LGR4: variants seen among roughly 807,000 people sequenced by gnomAD.
The protein encoded by LGR4 is leucine rich repeat containing G protein-coupled receptor 4.
Under a neutral mutation model 84.8 loss-of-function variants are expected in LGR4, and 44 were observed. That is an observed-to-expected ratio of 0.52 (90% CI 0.41 to 0.67). LGR4 has a LOEUF of 0.67. LGR4 is among the 30% of genes least tolerant of loss of function. The pLI, the probability that LGR4 is intolerant of heterozygous loss-of-function variation, is 0.00. For missense variants in LGR4, 1,032 were observed against 1,131.4 expected (o/e 0.91, Z 1.26); for synonymous variants, 429 against 434.3 (o/e 0.99, Z 0.15).
At chr11:27,412,381 G>A (rs745675624) in intron 2 of LGR4, among the ~76,000 whole-genome samples, 53 of 152,194 alleles carry the variant, frequency 3.5e-4, no homozygotes, top group Non-Finnish European at 5.3e-4. Context: ...TGTTGAAATT[G>A]TTGCTCATGG....
intron 2 of LGR4, among the ~76,000 whole-genome samples, chr11:27,411,237 G>A (rs948410913): frequency 2.6e-5 from 4 of 152,176 alleles, no homozygotes; most frequent in Middle Eastern, 3.4e-3. Flanking sequence ...AAAATTGTAT[G>A]TGAAATAAAA....
chr11:27,466,789 T>C (rs28612949), intron 1 of LGR4, among the ~76,000 whole-genome samples: 1 of 152,132 alleles, frequency 6.6e-6, no homozygotes, highest in Non-Finnish European at 1.5e-5. Context: ...ATGTCTTTTT[T>C]ATTTTTTTTT....
In LGR4 at chr11:27,442,588, C is replaced by T. The variant is rs12576430; in HGVS notation, c.185+29530G>A. ...ATTACCACTATGTTGTCAACAACAA[C>T]GACAACAAAAAAACACAGGTGATTT... is the stretch of plus-strand genomic sequence containing the variant. On this transcript the variant is annotated intron_variant, in intron 1 of 17. Transcript: ENST00000379214. Among the ~76,000 whole-genome samples the T allele has an allele frequency of 4.7e-4, 72 of 152,102 alleles. No homozygotes were observed. In the East Asian group the frequency reaches 0.011, roughly 24 times the overall value.
rs1416944136 is a variant in LGR4 at position 27,378,701 on chromosome 11, T to C, written c.1039A>G (p.Thr347Ala). 1.9e-6 allele frequency: 3 copies of C among 1,602,310 alleles called. No individual in the cohort carries two copies. The highest frequency in any genetic ancestry group is 1.7e-4 in the Middle Eastern group (1 of 6,038). ...NLCQEQKMLR[T>A]LDLSYNNIRD... Reference sequence around the variant, plus strand: ...GGGAAGAAGAATCCAACTTACAAAGTCCTAAGCATCTTTTGTTCTTGACAC... The same window carrying C: ...GGGAAGAAGAATCCAACTTACAAAGCCCTAAGCATCTTTTGTTCTTGACAC... Residue 347 changes from threonine to alanine, a missense_variant, in exon 11 of 18, where the codon ACT becomes GCT. Physicochemically the swap from Thr to Ala is moderately conservative, Grantham distance 58. Coordinates refer to ENST00000379214, the MANE Select transcript of LGR4 (RefSeq NM_018490.5).
chr11:27,370,770 T>C (rs1023934530), intron 17 of LGR4, among the ~76,000 whole-genome samples: 6 of 152,166 alleles, frequency 3.9e-5, no homozygotes, highest in African/African-American at 9.7e-5. Context: ...CAGTTCTTTA[T>C]GTACATTCTC....
chr11:27,380,790 A>T (rs1863077688), intron 8 of LGR4, 79 bp from the exon 9 acceptor site: 1 of 1,202,482 alleles, frequency 8.3e-7, no homozygotes, highest in South Asian at 1.3e-5. Flanking sequence ...CACAATGTAC[A>T]TATATCTAAA....
At chr11:27,388,637 C>A (rs1021275199) in intron 4 of LGR4, among the ~76,000 whole-genome samples, 1 of 151,992 alleles carries the variant, frequency 6.6e-6, no homozygotes, top group African/African-American at 2.4e-5. Flanking sequence ...TTTTAAATTT[C>A]TTGTTTAAAC....
chr11:27,452,517 G>A (rs183275717), intron 1 of LGR4, among the ~76,000 whole-genome samples: 45 of 151,610 alleles, frequency 3.0e-4, no homozygotes, highest in Admixed American at 2.6e-3. Context: ...CTTTTCTGTC[G>A]CATCATTTTC....
Position 27,472,387 on chromosome 11 carries a change from C to G in LGR4, c.-85G>C. The G allele has an allele frequency of 1.8e-6, 2 of 1,096,876 alleles. No individual in the cohort carries two copies. Among genetic ancestry groups the G allele is most frequent in the Non-Finnish European group, 2.3e-6 (2 of 873,394 alleles). 67.9% of individuals were successfully genotyped at this position (1,096,876 alleles called of 1,614,324 possible). A position where few individuals can be genotyped will look rare whatever the true frequency, so the allele number is the denominator to read the frequency against. On this transcript the variant is annotated 5_prime_UTR_variant, in exon 1 of 18. Transcript: ENST00000379214. ...GATGTCCCCCGCCGCCCCCGGGCAG[C>G]CGGCCTGCGGGCTGGAGCGGGGGTC...
At chr11:27,469,079 C>T (rs925529432) in intron 1 of LGR4, among the ~76,000 whole-genome samples, 10 of 152,148 alleles carry the variant, frequency 6.6e-5, no homozygotes, top group African/African-American at 9.7e-5. Context: ...TTGAACACTC[C>T]TCGGGGTGAA....
In LGR4 at chr11:27,381,363, C is replaced by T. The variant is rs141338235; in HGVS notation, c.759-397G>A. Among the ~76,000 whole-genome samples, 509 of 152,302 alleles carry T rather than the reference C, an allele frequency of 3.3e-3. 3 individuals are homozygous for T. The highest frequency in any genetic ancestry group is 4.3e-3 in the African/African-American group (177 of 41,562). On this transcript the variant is annotated intron_variant, in intron 7 of 17. Transcript: ENST00000379214. ...CACACAGTCCCTGTTGTGCCATATACAGTCACTAACTCTACCCATGACAAA... is the reference window on the plus strand; with the variant it reads ...CACACAGTCCCTGTTGTGCCATATATAGTCACTAACTCTACCCATGACAAA...
At chr11:27,422,212 T>G (rs1863934395) in intron 1 of LGR4, among the ~76,000 whole-genome samples, 1 of 152,216 alleles carries the variant, frequency 6.6e-6, no homozygotes, top group African/African-American at 2.4e-5. Context: ...CAAAATGCAC[T>G]ATTCATAAAG....
intron 1 of LGR4, among the ~76,000 whole-genome samples, chr11:27,439,233 C>T (rs1042009798): frequency 6.6e-6 from 1 of 152,128 alleles, no homozygotes; most frequent in Non-Finnish European, 1.5e-5. Flanking sequence ...CCCCACTCCC[C>T]CTAGCCCTTG....
chr11:27,384,389 T>A lies in LGR4; in HGVS notation c.636A>T (p.Lys212Asn). ...AACAGTGTTGACTCAGGCTTCTAAT[T>A]TTATTGTTATGAAGATGCCTAAGGG... ...SLVVLHLHNNKIRSLSQHCFD... is the reference protein window; with the variant it reads ...SLVVLHLHNNNIRSLSQHCFD... Residue 212 changes from lysine (K) to asparagine (N), a missense_variant, in exon 6 of 18, where the codon AAA (lysine) becomes AAT (asparagine). Transcript: ENST00000379214. The A allele has an allele frequency of 6.2e-7, 1 of 1,610,098 alleles. No individual in the cohort carries two copies. The highest frequency in any genetic ancestry group is 1.7e-5 in the Admixed American group (1 of 59,984).
chr11:27,437,396 A>G (rs1175396394), intron 1 of LGR4, among the ~76,000 whole-genome samples: 2 of 152,220 alleles, frequency 1.3e-5, no homozygotes, highest in African/African-American at 4.8e-5. Context: ...TGTTGAGAAA[A>G]GTTTCAAAGT....
intron 6 of LGR4, among the ~76,000 whole-genome samples, chr11:27,383,841 A>G (rs1863141951): frequency 6.6e-6 from 1 of 152,206 alleles, no homozygotes; most frequent in Non-Finnish European, 1.5e-5. Flanking sequence ...TGTACAGTTG[A>G]AACAGCCAGA....
At chr11:27,398,802 C>T (rs1334148037) in intron 2 of LGR4, among the ~76,000 whole-genome samples, 1 of 152,172 alleles carries the variant, frequency 6.6e-6, no homozygotes, top group South Asian at 2.1e-4. Flanking sequence ...GCATTGGGCT[C>T]CCGTCAAGTC....
At chr11:27,378,658 CA>C in intron 11 of LGR4, 38 bp downstream of exon 11, 1 of 1,378,242 alleles carries the variant, frequency 7.3e-7, no homozygotes, top group Non-Finnish European at 1.0e-6. Context: ...AATATATAAA[CA>C]AAAGGTATGA....
At chr11:27,382,574 T>C (rs898914015) in intron 6 of LGR4, among the ~76,000 whole-genome samples, 2 of 152,236 alleles carry the variant, frequency 1.3e-5, no homozygotes, top group African/African-American at 4.8e-5. Context: ...CTCTGAAAAT[T>C]CATTCTAGAA....
Sources: allele counts gnomAD v4.1 joint callset (sites outside exome capture counted in the v4.1 genomes callset), GRCh38; gene constraint gnomAD v4.1.1; transcripts MANE v1.5; gene names NCBI Gene and HGNC (gene_info 2026-07-23, HGNC 2026-07-21).